Variants in NDFIP1 observed in about 807,000 individuals in gnomAD.
NDFIP1 encodes the protein Nedd4 family interacting protein 1.
In NDFIP1, 7 loss-of-function variants were observed where a neutral mutation model predicts 28.8. The observed-to-expected ratio is 0.24, with a 90% CI of 0.14 to 0.46. The LOEUF (loss-of-function observed/expected upper bound fraction) is 0.46, where lower values mean the gene tolerates loss of function less well. Ranked by LOEUF, NDFIP1 falls within the 20% of genes least tolerant of loss-of-function variation. NDFIP1 has a pLI of 0.99. For missense variants in NDFIP1, 194 were observed against 269.1 expected (o/e 0.72, Z 1.95); for synonymous variants, 92 against 101.0 (o/e 0.91, Z 0.53).
intron 5 of NDFIP1, among the ~76,000 whole-genome samples, chr5:142,139,151 T>C (rs908196459): frequency 2.0e-5 from 3 of 149,414 alleles, no homozygotes; most frequent in Admixed American, 1.3e-4. Context: ...ACCCAGGAGG[T>C]GGAGCTTACA....
At chr5:142,115,745 A>G (rs566088308) in intron 1 of NDFIP1, among the ~76,000 whole-genome samples, 7 of 152,268 alleles carry the variant, frequency 4.6e-5, no homozygotes, top group African/African-American at 1.7e-4. Context: ...TGGGCTTGAC[A>G]TACTTTCCAG....
At chr5:142,119,008 C>G (rs867165525) in intron 1 of NDFIP1, among the ~76,000 whole-genome samples, 1 of 152,106 alleles carries the variant, frequency 6.6e-6, no homozygotes, top group Non-Finnish European at 1.5e-5. Context: ...GTGCTCCTTG[C>G]TACTAGGGTG....
chr5:142,108,857 C>CGGTGCTTACAGCCTGAGAAGAGCGTCTCG lies in NDFIP1; in HGVS notation c.-118_-117insGGTGCTTACAGCCTGAGAAGAGCGTCTCG. 10 of 835,758 alleles carry CGGTGCTTACAGCCTGAGAAGAGCGTCTCG rather than the reference C, an allele frequency of 1.2e-5. No homozygotes were observed. Among genetic ancestry groups the CGGTGCTTACAGCCTGAGAAGAGCGTCTCG allele is most frequent in the Non-Finnish European group, 1.6e-5 (10 of 608,252 alleles). The allele number at this position is 835,758 out of a possible 1,614,324, so 51.8% of individuals were successfully genotyped here. On this transcript the variant is annotated 5_prime_UTR_variant, in exon 1 of 8. Coordinates refer to ENST00000253814, the MANE Select transcript of NDFIP1 (RefSeq NM_030571.4). ...GCGTCTCGCCCGGGAGCGGCGGCGG[C>CGGTGCTTACAGCCTGAGAAGAGCGTCTCG]CATCGAGACCCACCCAAGGCGCGTC...
At chr5:142,136,490 C>T (rs1356640722) in intron 4 of NDFIP1, among the ~76,000 whole-genome samples, 1 of 152,180 alleles carries the variant, frequency 6.6e-6, no homozygotes, top group Non-Finnish European at 1.5e-5. Flanking sequence ...CATGGTGGCT[C>T]ATGCCTATAA....
intron 3 of NDFIP1, among the ~76,000 whole-genome samples, chr5:142,134,402 GAAGT>G (rs1228623180): frequency 6.6e-6 from 1 of 152,170 alleles, no homozygotes; most frequent in African/African-American, 2.4e-5. Context: ...CTGCTGATAC[GAAGT>G]AAGAATACTA....
chr5:142,145,618 G>T (rs1757381213), intron 7 of NDFIP1, among the ~76,000 whole-genome samples: 1 of 152,128 alleles, frequency 6.6e-6, no homozygotes, highest in East Asian at 1.9e-4. Flanking sequence ...AAGAATTTCA[G>T]AATCATCTGA....
At chr5:142,109,883 A>T (rs1439423409) in intron 1 of NDFIP1, among the ~76,000 whole-genome samples, 1 of 152,228 alleles carries the variant, frequency 6.6e-6, no homozygotes, top group Non-Finnish European at 1.5e-5. Flanking sequence ...GTGTTAATCT[A>T]ACATACAGTA....
intron 7 of NDFIP1, among the ~76,000 whole-genome samples, chr5:142,146,698 C>T (rs1015663303): frequency 4.6e-5 from 7 of 152,174 alleles, no homozygotes; most frequent in African/African-American, 7.2e-5. Flanking sequence ...TCTGTCTATT[C>T]TCTTTGTTCT....
chr5:142,119,300 G>A (rs893725480), intron 1 of NDFIP1, among the ~76,000 whole-genome samples: 1 of 152,174 alleles, frequency 6.6e-6, no homozygotes, highest in Non-Finnish European at 1.5e-5. Flanking sequence ...TGTGTAAGTT[G>A]TATCAGAATT....
At chr5:142,144,063 G>A (rs2126922780) in intron 6 of NDFIP1, 1 of 152,162 alleles carries the variant, frequency 6.6e-6, no homozygotes, top group South Asian at 2.1e-4. Flanking sequence ...GATGAGAATT[G>A]CTGTAATAGA....
intron 6 of NDFIP1, 132 bp from the exon 7 acceptor site, chr5:142,144,439 A>G: frequency 1.5e-6 from 1 of 668,846 alleles, no homozygotes; most frequent in Admixed American, 2.6e-5. Context: ...CAGATTCTGG[A>G]GGAAATTGCT....
chr5:142,112,212 C>T (rs530670808), intron 1 of NDFIP1, among the ~76,000 whole-genome samples: 18 of 151,408 alleles, frequency 1.2e-4, no homozygotes, highest in Admixed American at 1.2e-3. Flanking sequence ...ATGTGAAACC[C>T]CATCTCTATT....
At chr5:142,150,654 A>C (rs573629363) in intron 7 of NDFIP1, among the ~76,000 whole-genome samples, 8 of 147,380 alleles carry the variant, frequency 5.4e-5, no homozygotes, top group Non-Finnish European at 1.2e-4. Context: ...TGAGCCCTGG[A>C]GGTGTAGGTT....
At chr5:142,111,651 A>T (rs1056439028) in intron 1 of NDFIP1, among the ~76,000 whole-genome samples, 4 of 152,210 alleles carry the variant, frequency 2.6e-5, no homozygotes, top group African/African-American at 9.6e-5. Flanking sequence ...TCACCAAGTA[A>T]ATGTAATGGA....
chr5:142,113,605 A>G (rs1231703960), intron 1 of NDFIP1, among the ~76,000 whole-genome samples: 2 of 152,240 alleles, frequency 1.3e-5, no homozygotes, highest in Non-Finnish European at 2.9e-5. Context: ...TTTTAAGTAT[A>G]CAGTTTAGTG....
At chr5:142,143,934 C>G (rs1329475280) in intron 6 of NDFIP1, 3 of 151,912 alleles carry the variant, frequency 2.0e-5, no homozygotes, top group African/African-American at 7.3e-5. Context: ...TTCAAGCTTG[C>G]AGAGGCTGTG....
intron 7 of NDFIP1, among the ~76,000 whole-genome samples, chr5:142,149,060 G>A (rs564733811): frequency 1.3e-5 from 2 of 152,102 alleles, no homozygotes; most frequent in South Asian, 4.2e-4. Context: ...TATTTTAACT[G>A]CATCTGAAAT....
intron 7 of NDFIP1, among the ~76,000 whole-genome samples, chr5:142,150,128 C>A (rs1757429969): frequency 6.7e-6 from 1 of 149,508 alleles, no homozygotes; most frequent in Non-Finnish European, 1.5e-5. Context: ...TTGCAGTGAG[C>A]CGAAATTGTG....
intron 1 of NDFIP1, among the ~76,000 whole-genome samples, chr5:142,129,093 T>G (rs1209264192): frequency 1.3e-5 from 2 of 152,180 alleles, no homozygotes; most frequent in Admixed American, 1.3e-4. Flanking sequence ...ATAAAACGGG[T>G]TAAGTATAAA....
Sources: allele counts gnomAD v4.1 joint callset (sites outside exome capture counted in the v4.1 genomes callset), GRCh38; gene constraint gnomAD v4.1.1; transcripts MANE v1.5; gene names NCBI Gene and HGNC (gene_info 2026-07-23, HGNC 2026-07-21).